Variants in TNIK observed in about 807,000 individuals in gnomAD.
TNIK encodes TRAF2 and NCK interacting kinase.
A neutral mutation model predicts 191.3 loss-of-function variants in TNIK; 49 were observed. The observed-to-expected ratio is 0.26, with a 90% CI of 0.20 to 0.32. The LOEUF (loss-of-function observed/expected upper bound fraction) is 0.32, where lower values mean the gene tolerates loss of function less well. Ranked by LOEUF, TNIK falls within the 10% of genes least tolerant of loss-of-function variation. The probability of loss-of-function intolerance (pLI) is 1.00; values close to 1 mark genes in which losing one functional copy is unlikely to be tolerated. For missense variants in TNIK, 1,155 were observed against 1,702.3 expected (o/e 0.68, Z 5.66); for synonymous variants, 594 against 600.9 (o/e 0.99, Z 0.17).
chr3:171,089,905 C>A (rs947742019), intron 23 of TNIK, among the ~76,000 whole-genome samples: 1 of 152,128 alleles, frequency 6.6e-6, no homozygotes, highest in Non-Finnish European at 1.5e-5. Context: ...GTGGTTTGAA[C>A]CCAGCTGTCC....
At chr3:171,311,970 G>T (rs1418243165) in intron 2 of TNIK, among the ~76,000 whole-genome samples, 2 of 151,880 alleles carry the variant, frequency 1.3e-5, no homozygotes, top group African/African-American at 2.4e-5. Flanking sequence ...AAGAGTACAT[G>T]TGACTTCGGG....
chr3:171,167,048 C>T, intron 10 of TNIK, 47 bp downstream of exon 10: 1 of 1,583,806 alleles, frequency 6.3e-7, no homozygotes, highest in South Asian at 1.2e-5. Context: ...GCCCATGATT[C>T]ACTCCATCTT....
At chr3:171,355,104 C>A (rs972625639) in intron 2 of TNIK, among the ~76,000 whole-genome samples, 1 of 152,164 alleles carries the variant, frequency 6.6e-6, no homozygotes, top group Admixed American at 6.5e-5. Flanking sequence ...TCAAGCAAAT[C>A]TTGTTCTGAG....
At chr3:171,363,748 G>A (rs1169043914) in intron 2 of TNIK, among the ~76,000 whole-genome samples, 1 of 152,166 alleles carries the variant, frequency 6.6e-6, no homozygotes, top group Non-Finnish European at 1.5e-5. Flanking sequence ...ACAGATTTGA[G>A]AAAATCTCCA....
intron 12 of TNIK, among the ~76,000 whole-genome samples, chr3:171,141,102 G>A (rs115644977): frequency 1.5e-3 from 234 of 152,204 alleles, no homozygotes; most frequent in Admixed American, 3.7e-3. Flanking sequence ...GTTCTTGCTC[G>A]AATAAGACCC....
At chr3:171,094,637 C>CA (rs1256875168) in intron 22 of TNIK, among the ~76,000 whole-genome samples, 1 of 152,188 alleles carries the variant, frequency 6.6e-6, no homozygotes, top group Non-Finnish European at 1.5e-5. Flanking sequence ...GGGCAGCAGA[C>CA]AACCTGACCT....
At chr3:171,264,091 CACACACACACACACACACACATATAT>C (rs1211956004) in intron 2 of TNIK, among the ~76,000 whole-genome samples, 49 of 118,964 alleles carry the variant, frequency 4.1e-4, no homozygotes, top group African/African-American at 1.9e-3. Flanking sequence ...CACACACACA[CACACACACACACACACACACATATAT>C]ATATATATAT....
intron 1 of TNIK, among the ~76,000 whole-genome samples, chr3:171,424,768 G>C (rs1324653902): frequency 6.8e-6 from 1 of 146,748 alleles, no homozygotes; most frequent in South Asian, 2.1e-4. Flanking sequence ...TCACTCATAG[G>C]TGGGAATTGA....
intron 18 of TNIK, among the ~76,000 whole-genome samples, chr3:171,119,872 C>T (rs903303708): frequency 1.3e-5 from 2 of 152,100 alleles, no homozygotes; most frequent in South Asian, 4.1e-4. Flanking sequence ...GGGTGCAGCA[C>T]ACCAACATGG....
intron 21 of TNIK, among the ~76,000 whole-genome samples, chr3:171,103,015 A>G (rs1185516125): frequency 6.6e-6 from 1 of 152,246 alleles, no homozygotes; most frequent in Admixed American, 6.5e-5. Flanking sequence ...TAGGCAATTC[A>G]TAGTGTTAAC....
intron 29 of TNIK, 116 bp downstream of exon 29, chr3:171,071,107 A>G (rs1719120687): frequency 1.5e-6 from 1 of 645,444 alleles, no homozygotes; most frequent in Admixed American, 3.7e-5. Context: ...TACACTTTTA[A>G]AACAGGTTTA....
Position 171,115,827 on chromosome 3 carries a change from A to G in TNIK, c.2121-4950T>C, listed in dbSNP as rs1472402755. ...CAGACTAGTTAGGAGGCTGCTGCCA[A>G]GTCAGATGATGAGGCCTGGGCAGTG... On this transcript the variant is annotated intron_variant, in intron 18 of 32. Transcript: ENST00000436636. Among the ~76,000 whole-genome samples, 4 of 152,326 alleles carry G rather than the reference A, an allele frequency of 2.6e-5. 1 individual carries two copies. In the South Asian group the frequency reaches 6.2e-4, roughly 24 times the overall value.
intron 2 of TNIK, among the ~76,000 whole-genome samples, chr3:171,231,697 T>C (rs1403109854): frequency 6.6e-6 from 1 of 152,182 alleles, no homozygotes; most frequent in African/African-American, 2.4e-5. Context: ...TTGGAGGGAA[T>C]GGCAGGGAGT....
At chr3:171,358,889 A>G (rs1297347512) in intron 2 of TNIK, among the ~76,000 whole-genome samples, 2 of 152,158 alleles carry the variant, frequency 1.3e-5, no homozygotes, top group Admixed American at 1.3e-4. Context: ...CACCACCTCT[A>G]TAATTAAGTT....
intron 2 of TNIK, among the ~76,000 whole-genome samples, chr3:171,338,405 A>G (rs745695735): frequency 1.2e-4 from 19 of 152,304 alleles, no homozygotes; most frequent in Non-Finnish European, 2.5e-4. Context: ...TATCCCCCAA[A>G]AGCCAAACAT....
chr3:171,385,013 G>A (rs2131366), intron 1 of TNIK, among the ~76,000 whole-genome samples: 107,343 of 152,146 alleles, frequency 0.71, 39,672 homozygotes, highest in African/African-American at 0.92. Flanking sequence ...TGATTAAGTC[G>A]GTGTTTATCA....
intron 15 of TNIK, among the ~76,000 whole-genome samples, chr3:171,135,477 A>G (rs1183781346): frequency 6.6e-6 from 1 of 152,218 alleles, no homozygotes; most frequent in Non-Finnish European, 1.5e-5. Flanking sequence ...TATCAACTAA[A>G]TGTTTCATCT....
At chr3:171,295,076 T>G (rs1752131315) in intron 2 of TNIK, among the ~76,000 whole-genome samples, 1 of 152,014 alleles carries the variant, frequency 6.6e-6, no homozygotes, top group Non-Finnish European at 1.5e-5. Flanking sequence ...GGGCCAGGCT[T>G]AGAAGAGATA....
At chr3:171,413,247 G>A (rs141905277) in intron 1 of TNIK, among the ~76,000 whole-genome samples, 107 of 152,186 alleles carry the variant, frequency 7.0e-4, no homozygotes, top group African/African-American at 2.3e-3. Flanking sequence ...CTTCAGACAC[G>A]GCTCTGATTA....
Sources: allele counts gnomAD v4.1 joint callset (sites outside exome capture counted in the v4.1 genomes callset), GRCh38; gene constraint gnomAD v4.1.1; transcripts MANE v1.5; gene names NCBI Gene and HGNC (gene_info 2026-07-23, HGNC 2026-07-21).